The following MYO1H variants were observed in gnomAD, a reference collection of about 807,000 sequenced individuals.
The protein encoded by MYO1H is myosin IH, also known as unconventional myosin-Ih.
A neutral mutation model predicts 149.3 loss-of-function variants in MYO1H; 118 were observed. The ratio of observed to expected loss-of-function variants is 0.79; its 90% confidence interval spans 0.68 to 0.92. MYO1H has a LOEUF of 0.92. Ranked by LOEUF, MYO1H falls within the 40% of genes least tolerant of loss-of-function variation. The pLI, the probability that MYO1H is intolerant of heterozygous loss-of-function variation, is 0.00. For synonymous variants in MYO1H, 447 were observed against 465.2 expected (o/e 0.96, Z 0.50); for missense variants, 1,212 against 1,280.7 (o/e 0.95, Z 0.82).
At chr12:109,440,612 A>G in intron 24 of MYO1H, 132 bp from the exon 25 acceptor site, 1 of 685,866 alleles carries the variant, frequency 1.5e-6, no homozygotes, top group South Asian at 1.9e-5. Context: ...TGACTATAAA[A>G]TATAAAATAT....
At chr12:109,443,240 A>ATATGTGTGTGTATATGTGTACG (rs1872298406) in intron 27 of MYO1H, among the ~76,000 whole-genome samples, 1 of 65,878 alleles carries the variant, frequency 1.5e-5, no homozygotes, top group Admixed American at 1.4e-4. Context: ...ATGTGTACGT[A>ATATGTGTGTGTATATGTGTACG]TATGTGTGTG....
At chr12:109,420,585 A>T (rs4545620) in intron 15 of MYO1H, among the ~76,000 whole-genome samples, 27,205 of 152,074 alleles carry the variant, frequency 0.18, 2,887 homozygotes, top group African/African-American at 0.29. Context: ...CTATCATGAG[A>T]ACAGCGAGGG....
intron 1 of MYO1H, chr12:109,357,245 G>C (rs758617039): frequency 6.6e-6 from 1 of 152,192 alleles, no homozygotes; most frequent in Non-Finnish European, 1.5e-5. Context: ...TTTCAACACT[G>C]TTAGGTGCTG....
intron 1 of MYO1H, among the ~76,000 whole-genome samples, chr12:109,383,686 G>A (rs902569642): frequency 3.3e-5 from 5 of 152,228 alleles, no homozygotes; most frequent in African/African-American, 9.6e-5. Context: ...TTTACAGCCA[G>A]TTGGCCGGAA....
chr12:109,436,488 T>A (rs1481513417), exon 22 of MYO1H: 4 of 1,608,790 alleles, frequency 2.5e-6, no homozygotes, highest in Non-Finnish European at 3.4e-6. Flanking sequence ...TTATTTTAAG[T>A]TGCAAGAATC....
chr12:109,444,526 GA>G lies in MYO1H; in HGVS notation c.2992del (p.Ser998ValfsTer14). ...GAGAACATTGTCAATGTTGTTCAAG[GA>G]AGGTAGGTGGCTTCATCTTCAGCTC... On this transcript the variant is annotated frameshift_variant and splice_region_variant, in exon 30 of 32. Transcript: ENST00000310903. LOFTEE classifies it high-confidence loss of function. The G allele has an allele frequency of 6.2e-7, 1 of 1,612,530 alleles. No individual in the cohort carries two copies. The highest frequency in any genetic ancestry group is 8.5e-7 in the Non-Finnish European group (1 of 1,178,644).
the MYO1H span, among the ~76,000 whole-genome samples, chr12:109,318,496 A>C: frequency 6.6e-6 from 1 of 152,154 alleles, no homozygotes; most frequent in African/African-American, 2.4e-5. Flanking sequence ...AAGTGATAAA[A>C]GTTAAGGTCA....
exon 8 of MYO1H, chr12:109,405,948 C>T: frequency 1.4e-5 from 22 of 1,613,042 alleles, no homozygotes; most frequent in Non-Finnish European, 1.8e-5. Flanking sequence ...TTGCCAGTGT[C>T]TTACACCTGG....
At position 109,429,379 on chromosome 12, in the gene MYO1H, A is replaced by G. The variant is rs1339945447; in HGVS notation, c.1949+1793A>G. Among the ~76,000 whole-genome samples the G allele has an allele frequency of 5.3e-5, 8 of 152,310 alleles. No homozygotes were observed. The East Asian group carries it at 1.2e-3, about 22-fold the overall frequency. Reference sequence around the variant, plus strand: ...GGCCCTCCACACCCGCGGGTTCCACATCTGAGGATTCACCCAACTATGGAT... The same window carrying G: ...GGCCCTCCACACCCGCGGGTTCCACGTCTGAGGATTCACCCAACTATGGAT... On this transcript the variant is annotated intron_variant, in intron 19 of 31. Coordinates refer to ENST00000310903, the Ensembl canonical transcript of MYO1H.
At chr12:109,327,134 C>CTTTTTTTTTTTTTTTTTTTTTTTTTTTT in the MYO1H span, among the ~76,000 whole-genome samples, 1 of 94,744 alleles carries the variant, frequency 1.1e-5, no homozygotes, top group East Asian at 3.4e-4. Flanking sequence ...TTTTCTTTTT[C>CTTTTTTTTTTTTTTTTTTTTTTTTTTTT]TTTTTTTTTT....
intron 1 of MYO1H, among the ~76,000 whole-genome samples, chr12:109,354,617 C>T (rs1868543140): frequency 2.0e-5 from 2 of 98,718 alleles, no homozygotes; most frequent in African/African-American, 5.6e-5. Flanking sequence ...GAGACTCTGT[C>T]TAAAAAAAAA....
At chr12:109,374,880 A>G (rs1241186706) in intron 1 of MYO1H, among the ~76,000 whole-genome samples, 3 of 150,926 alleles carry the variant, frequency 2.0e-5, no homozygotes, top group African/African-American at 7.4e-5. Flanking sequence ...TTCGAGACGA[A>G]GTCTGGCTCT....
At chr12:109,432,835 AT>A (rs1871691385) in intron 19 of MYO1H, 61 bp from the exon 20 acceptor site, 1 of 1,398,904 alleles carries the variant, frequency 7.1e-7, no homozygotes, top group Non-Finnish European at 1.0e-6. Flanking sequence ...GGGGCCGGGG[AT>A]GTGGGGGAGG....
chr12:109,322,819 CAAAAAAAAAA>C, the MYO1H span, among the ~76,000 whole-genome samples: 3 of 77,104 alleles, frequency 3.9e-5, no homozygotes, highest in Non-Finnish European at 7.6e-5. Flanking sequence ...GACTCCGTCT[CAAAAAAAAAA>C]AAAAAAAAAA....
At chr12:109,349,209 T>A (rs1321341479) in intron 1 of MYO1H, among the ~76,000 whole-genome samples, 1 of 152,202 alleles carries the variant, frequency 6.6e-6, no homozygotes, top group African/African-American at 2.4e-5. Flanking sequence ...TTTTTTAAAT[T>A]GTCATGGCTT....
chr12:109,420,355 TA>T (rs528801111), intron 15 of MYO1H, among the ~76,000 whole-genome samples: 33 of 152,174 alleles, frequency 2.2e-4, no homozygotes, highest in Non-Finnish European at 3.7e-4. Context: ...CACATTGCTA[TA>T]AAGAACTACC....
chr12:109,412,054 G>A, intron 14 of MYO1H, 69 bp downstream of exon 14: 1 of 1,104,026 alleles, frequency 9.1e-7, no homozygotes, highest in Non-Finnish European at 1.3e-6. Flanking sequence ...TTTAGTATTT[G>A]GATAATGTTC....
At chr12:109,387,095 A>G (rs1002904494) in intron 1 of MYO1H, among the ~76,000 whole-genome samples, 5 of 149,108 alleles carry the variant, frequency 3.4e-5, no homozygotes, top group African/African-American at 1.2e-4. Context: ...TTCTTTTTCT[A>G]TTTATATATT....
At chr12:109,319,687 G>A in the MYO1H span, among the ~76,000 whole-genome samples, 1 of 152,106 alleles carries the variant, frequency 6.6e-6, no homozygotes, top group Non-Finnish European at 1.5e-5. Context: ...TCTCAGTCTT[G>A]GTGTTAAAGA....
Sources: allele counts gnomAD v4.1 joint callset (sites outside exome capture counted in the v4.1 genomes callset), GRCh38; gene constraint gnomAD v4.1.1; transcripts MANE v1.5; gene names NCBI Gene and HGNC (gene_info 2026-07-23, HGNC 2026-07-21).